The following RFX4 variants were observed in gnomAD, a reference collection of about 807,000 sequenced individuals.
The protein encoded by RFX4 is transcription factor RFX4.
A neutral mutation model predicts 95.0 loss-of-function variants in RFX4; 10 were observed. The observed-to-expected ratio is 0.11, with a 90% CI of 0.06 to 0.18. The LOEUF (loss-of-function observed/expected upper bound fraction) is 0.18, where lower values mean the gene tolerates loss of function less well. Ranked by LOEUF, RFX4 falls within the 10% of genes least tolerant of loss-of-function variation. The probability of loss-of-function intolerance (pLI) is 1.00; values close to 1 mark genes in which losing one functional copy is unlikely to be tolerated. For synonymous variants in RFX4, 321 were observed against 340.7 expected (o/e 0.94, Z 0.64); for missense variants, 640 against 922.0 (o/e 0.69, Z 3.96).
intron 15 of RFX4, among the ~76,000 whole-genome samples, chr12:106,743,814 A>G (rs2042848314): frequency 6.6e-6 from 1 of 152,080 alleles, no homozygotes. Flanking sequence ...TTCAATATCC[A>G]TTGACCTCGC....
At chr12:106,601,161 G>T (rs1292908140) in intron 1 of RFX4, 24 of 1,486,420 alleles carry the variant, frequency 1.6e-5, no homozygotes, top group Non-Finnish European at 1.8e-5. Context: ...CCACTGACCT[G>T]AGCCACCCCC....
intron 17 of RFX4, among the ~76,000 whole-genome samples, chr12:106,755,990 G>A (rs191454875): frequency 3.0e-3 from 454 of 152,304 alleles, no homozygotes; most frequent in African/African-American, 0.01. Context: ...TAAGTCATTT[G>A]TTTTCAAAAT....
chr12:106,727,778 C>A (rs113090188), intron 13 of RFX4, among the ~76,000 whole-genome samples: 1 of 152,252 alleles, frequency 6.6e-6, no homozygotes, highest in African/African-American at 2.4e-5. Context: ...CGCCACCACA[C>A]CTGGCTAATT....
rs374600548 is a variant in RFX4 at position 106,648,489 on chromosome 12, T to G, written c.192-5739T>G. ...TCTTGTCCTGATTGCTTAGCAAGGG[T>G]TTTTTTTTTTTCTACATAGTTTACA... On this transcript the variant is annotated intron_variant, in intron 3 of 17. Transcript: ENST00000392842. 3.8e-3 allele frequency among the ~76,000 whole-genome samples: 534 copies of G among 141,018 alleles called. 3 individuals are homozygous for G. The highest frequency in any genetic ancestry group is 0.011 in the Middle Eastern group (3 of 278). 92.5% of individuals were successfully genotyped at this position (141,018 alleles called of 152,430 possible). A position where few individuals can be genotyped will look rare whatever the true frequency, so the allele number is the denominator to read the frequency against.
intron 6 of RFX4, among the ~76,000 whole-genome samples, chr12:106,687,734 T>A (rs2137422797): frequency 2.0e-5 from 3 of 152,200 alleles, no homozygotes; most frequent in Admixed American, 2.0e-4. Context: ...CCAAAACTAT[T>A]CTAAAATAAA....
intron 1 of RFX4, among the ~76,000 whole-genome samples, chr12:106,598,976 T>G: frequency 6.6e-6 from 1 of 152,306 alleles, no homozygotes; most frequent in Middle Eastern, 3.4e-3. Flanking sequence ...TATGCAATAA[T>G]GTACATTAAT....
In RFX4 at chr12:106,715,273, A is replaced by G. The variant is rs530623125; in HGVS notation, c.994-127A>G. 220 of 1,067,978 alleles carry G rather than the reference A, an allele frequency of 2.1e-4. 1 individual carries two copies. The African/African-American group carries it at 3.0e-3, about 15-fold the overall frequency. The allele number at this position is 1,067,978 out of a possible 1,614,324, so 66.2% of individuals were successfully genotyped here. ...TCTTCTGGTGCTTTCCTGAAATTGA[A>G]TTTCCCGGAATTTCAGGGTAGTTTG... On this transcript the variant is annotated intron_variant, in intron 10 of 17. Transcript: ENST00000392842.
At chr12:106,654,170 C>T in intron 3 of RFX4, 58 bp from the exon 4 acceptor site, 1 of 1,609,826 alleles carries the variant, frequency 6.2e-7, no homozygotes, top group Non-Finnish European at 8.5e-7. Flanking sequence ...AAAGAACAGA[C>T]CGTTCTTGCT....
At chr12:106,758,060 T>C (rs1426027984) in intron 17 of RFX4, among the ~76,000 whole-genome samples, 1 of 152,202 alleles carries the variant, frequency 6.6e-6, no homozygotes, top group East Asian at 1.9e-4. Flanking sequence ...GAATGGTAAC[T>C]TGCTGTTATG....
At chr12:106,708,959 T>C (rs970444140) in intron 8 of RFX4, among the ~76,000 whole-genome samples, 9 of 152,176 alleles carry the variant, frequency 5.9e-5, no homozygotes, top group African/African-American at 2.2e-4. Context: ...GCAAACAGGG[T>C]TCCTGCCTGC....
rs562152782 is a variant in RFX4, at chr12:106,720,550, T to C, written c.1234-209T>C. 3.6e-4 allele frequency among the ~76,000 whole-genome samples: 54 copies of C among 152,078 alleles called. No individual in the cohort carries two copies. Among genetic ancestry groups the C allele is most frequent in the East Asian group, 1.7e-3 (9 of 5,150 alleles). On this transcript the variant is annotated intron_variant, in intron 12 of 17. Transcript: ENST00000392842. The surrounding 1 kb of genome is among the most constrained non-coding windows in gnomAD (Gnocchi z 4.2). ...GGGGTGTGCCACCATTCCCAGCTAATTTTTGTATTTTTTGTAGAGATGGGG... is the reference window on the plus strand; with the variant it reads ...GGGGTGTGCCACCATTCCCAGCTAACTTTTGTATTTTTTGTAGAGATGGGG...
At chr12:106,730,404 A>G (rs948668627) in intron 13 of RFX4, among the ~76,000 whole-genome samples, 10 of 152,176 alleles carry the variant, frequency 6.6e-5, no homozygotes, top group Non-Finnish European at 1.0e-4. Context: ...CATCTGTGCT[A>G]TGAACATATT....
chr12:106,638,846 T>A (rs1195860805), intron 2 of RFX4, among the ~76,000 whole-genome samples: 5 of 152,270 alleles, frequency 3.3e-5, no homozygotes, highest in Middle Eastern at 3.4e-3. Context: ...AAGACACTAA[T>A]TTCATTCATA....
At chr12:106,628,670 A>G (rs1357406984) in intron 2 of RFX4, among the ~76,000 whole-genome samples, 1 of 150,990 alleles carries the variant, frequency 6.6e-6, no homozygotes, top group Non-Finnish European at 1.5e-5. Flanking sequence ...CCCCTGCAAC[A>G]CTCTACCCCA....
chr12:106,733,712 G>A (rs954742514), intron 15 of RFX4, among the ~76,000 whole-genome samples: 6 of 152,076 alleles, frequency 3.9e-5, no homozygotes, highest in South Asian at 2.1e-4. Flanking sequence ...TAGAGCTGCC[G>A]GGCACATAGC....
chr12:106,611,215 C>T (rs1436510854), intron 2 of RFX4, among the ~76,000 whole-genome samples: 1 of 152,152 alleles, frequency 6.6e-6, no homozygotes, highest in African/African-American at 2.4e-5. Flanking sequence ...ATCTTAACCT[C>T]TTATCAGTTA....
intron 3 of RFX4, among the ~76,000 whole-genome samples, chr12:106,645,504 A>G (rs1368068323): frequency 1.3e-5 from 2 of 150,772 alleles, no homozygotes; most frequent in African/African-American, 4.9e-5. Context: ...TTCGGGGGGG[A>G]TTGGGGGGAG....
At chr12:106,631,894 C>G (rs932193537) in intron 2 of RFX4, among the ~76,000 whole-genome samples, 2 of 152,212 alleles carry the variant, frequency 1.3e-5, no homozygotes, top group African/African-American at 2.4e-5. Context: ...TGCCAAACCT[C>G]AGGCACATGG....
intron 1 of RFX4, among the ~76,000 whole-genome samples, chr12:106,604,832 A>T (rs1008682111): frequency 6.6e-6 from 1 of 152,262 alleles, no homozygotes; most frequent in African/African-American, 2.4e-5. Flanking sequence ...TTTTAGGAAA[A>T]GTTCGAATAC....
Sources: gnomAD v4.1 joint callset for allele counts (sites outside exome capture counted in the v4.1 genomes callset) on GRCh38, gnomAD v4.1.1 for gene constraint, Gnocchi (gnomAD v3.1) non-coding constraint, MANE v1.5 for transcripts, NCBI Gene and HGNC (gene_info 2026-07-23, HGNC 2026-07-21) for gene names.